Variants in DNAH6 observed in about 807,000 individuals in gnomAD.
DNAH6 encodes the protein axonemal beta dynein heavy chain 6.
A neutral mutation model predicts 491.4 loss-of-function variants in DNAH6; 340 were observed. The ratio of observed to expected loss-of-function variants is 0.69; its 90% CI spans 0.63 to 0.76. DNAH6 has a LOEUF of 0.76. Among genes scored for constraint, DNAH6 ranks in the 30% least tolerant of loss-of-function variants. The pLI is 0.00. For missense variants in DNAH6, 4,443 were observed against 4,972.2 expected (o/e 0.89, Z 3.20); for synonymous variants, 1,603 against 1,686.1 (o/e 0.95, Z 1.21).
intron 75 of DNAH6, among the ~76,000 whole-genome samples, chr2:84,815,563 A>T (rs143819084): frequency 6.6e-6 from 1 of 152,298 alleles, no homozygotes; most frequent in East Asian, 1.9e-4. Context: ...ATTATTGCAG[A>T]TATATAATCT....
At chr2:84,738,521 A>G (rs559919056) in intron 62 of DNAH6, among the ~76,000 whole-genome samples, 2 of 152,166 alleles carry the variant, frequency 1.3e-5, no homozygotes, top group African/African-American at 4.8e-5. Context: ...AAGTCTGGGT[A>G]CTCCAATGTT....
chr2:84,609,567 C>A (rs1376332152), intron 21 of DNAH6, among the ~76,000 whole-genome samples: 1 of 151,962 alleles, frequency 6.6e-6, no homozygotes, highest in Non-Finnish European at 1.5e-5. Context: ...AGACATAATA[C>A]TTATCAATTA....
chr2:84,764,222 CT>C (rs1204625005), intron 64 of DNAH6, among the ~76,000 whole-genome samples: 1 of 151,582 alleles, frequency 6.6e-6, no homozygotes, highest in Non-Finnish European at 1.5e-5. Context: ...AAACATTTGC[CT>C]TTGGTTCTGA....
intron 37 of DNAH6, among the ~76,000 whole-genome samples, chr2:84,663,334 C>A (rs1691732377): frequency 6.6e-6 from 1 of 152,104 alleles, no homozygotes. Context: ...CACAAAGAAT[C>A]TAAAAACCTT....
intron 75 of DNAH6, among the ~76,000 whole-genome samples, chr2:84,814,554 T>C (rs1680305893): frequency 6.6e-6 from 1 of 152,136 alleles, no homozygotes; most frequent in South Asian, 2.1e-4. Context: ...GAGTGTCAAC[T>C]TTCCCATGTC....
At chr2:84,779,359 CT>C (rs1177319218) in intron 64 of DNAH6, among the ~76,000 whole-genome samples, 1 of 152,110 alleles carries the variant, frequency 6.6e-6, no homozygotes, top group African/African-American at 2.4e-5. Context: ...ATAGTTAAGT[CT>C]TTTTGTTGAA....
intron 18 of DNAH6, among the ~76,000 whole-genome samples, 161 bp downstream of exon 18, chr2:84,595,950 T>C (rs905602867): frequency 6.6e-6 from 1 of 152,216 alleles, no homozygotes; most frequent in African/African-American, 2.4e-5. Flanking sequence ...ACAGACTGCA[T>C]TCCTGTCTTC....
In DNAH6 at chr2:84,548,275, C is replaced by G. The variant is rs1349216979; in HGVS notation, c.1187-13C>G. 1 of 1,602,416 alleles carries G rather than the reference C, an allele frequency of 6.2e-7. No individual in the cohort carries two copies. The highest frequency in any genetic ancestry group is 8.5e-7 in the Non-Finnish European group (1 of 1,175,528). On this transcript the variant is annotated splice_polypyrimidine_tract_variant and intron_variant, in intron 7 of 76. Transcript: ENST00000389394. The stretch of plus-strand genomic sequence containing the variant: ...ACAAGTACACTTGTTGTTGTTCCTT[C>G]TGTTATTCTTAGATTATCATAAAGT...
intron 56 of DNAH6, 38 bp from the exon 57 acceptor site, chr2:84,713,057 T>C: frequency 6.6e-7 from 1 of 1,514,994 alleles, no homozygotes; most frequent in Non-Finnish European, 8.9e-7. Flanking sequence ...TTTTAATTGC[T>C]TCTTTTTGTA....
chr2:84,699,927 G>A (rs1202679700), intron 48 of DNAH6, among the ~76,000 whole-genome samples, 193 bp downstream of exon 48: 3 of 148,560 alleles, frequency 2.0e-5, no homozygotes, highest in African/African-American at 7.8e-5. Flanking sequence ...AGAGACCATT[G>A]AATTTAGCAA....
the DNAH6 span, among the ~76,000 whole-genome samples, chr2:84,478,192 C>T: frequency 6.6e-6 from 1 of 152,142 alleles, no homozygotes; most frequent in African/African-American, 2.4e-5. Context: ...TTAACACTTC[C>T]TCCTAGGAGA....
intron 56 of DNAH6, 78 bp downstream of exon 56, chr2:84,710,490 C>A (rs1696934698): frequency 7.1e-7 from 1 of 1,411,422 alleles, no homozygotes; most frequent in Admixed American, 2.1e-5. Context: ...GGCCACATCC[C>A]CATCATGCTA....
chr2:84,483,042 C>A, the DNAH6 span, among the ~76,000 whole-genome samples: 1 of 151,766 alleles, frequency 6.6e-6, no homozygotes, highest in Non-Finnish European at 1.5e-5. Flanking sequence ...CTCACTGCAG[C>A]CTCCAACTCC....
intron 35 of DNAH6, among the ~76,000 whole-genome samples, chr2:84,657,311 T>A (rs886174312): frequency 6.6e-6 from 1 of 152,018 alleles, no homozygotes; most frequent in Non-Finnish European, 1.5e-5. Flanking sequence ...TATTCTGGGT[T>A]TTTTGCCTTT....
At chr2:84,716,157 A>G (rs1697516584) in intron 58 of DNAH6, among the ~76,000 whole-genome samples, 1 of 149,984 alleles carries the variant, frequency 6.7e-6, no homozygotes, top group Admixed American at 6.7e-5. Flanking sequence ...ATACATATAT[A>G]TGGGTATATA....
At chr2:84,671,694 A>G (rs1258339611) in intron 39 of DNAH6, among the ~76,000 whole-genome samples, 3 of 152,144 alleles carry the variant, frequency 2.0e-5, no homozygotes, top group African/African-American at 7.2e-5. Context: ...GATGGAGTGG[A>G]GCACTCAGTT....
rs1050098851 is a variant in DNAH6 at position 84,773,034 on chromosome 2, C to T, written c.10704-8459C>T. 1.3e-4 allele frequency among the ~76,000 whole-genome samples: 20 copies of T among 152,014 alleles called. 1 individual carries two copies. Among genetic ancestry groups the T allele is most frequent in the African/African-American group, 4.3e-4 (18 of 41,426 alleles). On this transcript the variant is annotated intron_variant, in intron 64 of 76. Coordinates refer to ENST00000389394, the MANE Select transcript of DNAH6 (RefSeq NM_001370.2). ...AAATATATGGAAATAAAATGATACACTTTTAAGAAATCACAAGGGAAATTA... is the reference window on the plus strand; with the variant it reads ...AAATATATGGAAATAAAATGATACATTTTTAAGAAATCACAAGGGAAATTA...
intron 4 of DNAH6, among the ~76,000 whole-genome samples, chr2:84,540,859 C>G (rs1483228728): frequency 6.6e-6 from 1 of 152,064 alleles, no homozygotes; most frequent in East Asian, 1.9e-4. Context: ...AAGTATGAGA[C>G]AGTACAGCAT....
chr2:84,640,300 TTTC>T (rs1689268688), intron 31 of DNAH6, 127 bp from the exon 32 acceptor site: 2 of 636,936 alleles, frequency 3.1e-6, no homozygotes, highest in African/African-American at 3.8e-5. Context: ...AATCTTTATG[TTTC>T]TTGATTAAAA....
Sources: gnomAD v4.1 joint callset for allele counts (sites outside exome capture counted in the v4.1 genomes callset) on GRCh38, gnomAD v4.1.1 for gene constraint, MANE v1.5 for transcripts, NCBI Gene and HGNC (gene_info 2026-07-23, HGNC 2026-07-21) for gene names.